Variants in GRID1 observed in about 807,000 individuals in gnomAD.
GRID1 encodes the protein glutamate receptor ionotropic, delta-1.
Under a neutral mutation model 98.0 loss-of-function variants are expected in GRID1, and 28 were observed. The observed-to-expected ratio is 0.29, with a 90% CI of 0.21 to 0.39. GRID1 has a LOEUF of 0.39. Among genes scored for constraint, GRID1 ranks in the 10% least tolerant of loss-of-function variants. The probability of loss-of-function intolerance (pLI) is 1.00; values close to 1 mark genes in which losing one functional copy is unlikely to be tolerated. For missense variants in GRID1, 1,111 were observed against 1,340.5 expected, an observed-to-expected ratio of 0.83 and a Z score of 2.67; for synonymous variants, 553 against 538.5, an observed-to-expected ratio of 1.03 and a Z score of -0.37.
intron 8 of GRID1, among the ~76,000 whole-genome samples, chr10:85,731,726 C>CAGG (rs1206943976): frequency 6.8e-6 from 1 of 147,922 alleles, no homozygotes; most frequent in Non-Finnish European, 1.5e-5. Context: ...CAATTGAGAC[C>CAGG]AGGAGGTCAA....
At chr10:85,922,698 G>A (rs896421771) in intron 4 of GRID1, among the ~76,000 whole-genome samples, 6 of 152,194 alleles carry the variant, frequency 3.9e-5, no homozygotes, top group African/African-American at 1.2e-4. Flanking sequence ...ATGCAGGAGC[G>A]CAACGCCCCT....
chr10:86,250,686 G>C (rs1404128582), intron 2 of GRID1, among the ~76,000 whole-genome samples: 1 of 151,870 alleles, frequency 6.6e-6, no homozygotes, highest in Non-Finnish European at 1.5e-5. Flanking sequence ...CCGGGAGGTG[G>C]GGGACAGCCC....
At chr10:86,278,394 C>A (rs1345310751) in intron 2 of GRID1, among the ~76,000 whole-genome samples, 1 of 150,874 alleles carries the variant, frequency 6.6e-6, no homozygotes, top group Non-Finnish European at 1.5e-5. Flanking sequence ...CAAATTAAAC[C>A]CAAAGTAAAT....
At chr10:86,204,121 G>A (rs1269909913) in intron 3 of GRID1, among the ~76,000 whole-genome samples, 1 of 152,160 alleles carries the variant, frequency 6.6e-6, no homozygotes, top group Non-Finnish European at 1.5e-5. Context: ...AGAGGGGTGG[G>A]GGAGTGTGAC....
intron 4 of GRID1, among the ~76,000 whole-genome samples, chr10:86,078,541 C>T (rs1843917966): frequency 6.6e-6 from 1 of 152,220 alleles, no homozygotes; most frequent in South Asian, 2.1e-4. Flanking sequence ...GGACTCATAC[C>T]TTCTTTCTCA....
At chr10:86,144,110 G>A (rs755106845) in intron 3 of GRID1, among the ~76,000 whole-genome samples, 8 of 152,108 alleles carry the variant, frequency 5.3e-5, no homozygotes, top group South Asian at 4.2e-4. Context: ...GTTCTTTATC[G>A]CAGAACTTAA....
chr10:85,641,700 C>T (rs1315976184), intron 13 of GRID1, among the ~76,000 whole-genome samples: 1 of 152,204 alleles, frequency 6.6e-6, no homozygotes, highest in East Asian at 1.9e-4. Context: ...AGTATGAATG[C>T]ATGTAAATGA....
rs190664303 is a variant in GRID1, at chr10:85,659,756, G to A, written c.1998-12359C>T. On this transcript the variant is annotated intron_variant, in intron 12 of 15. Transcript: ENST00000327946. ...TCTATCATTGATGAGTCTTGTCTGAGTTCAGAGAATGGGAGGATTCCTACT... is the reference window on the plus strand; with the variant it reads ...TCTATCATTGATGAGTCTTGTCTGAATTCAGAGAATGGGAGGATTCCTACT... Among the ~76,000 whole-genome samples the A allele has an allele frequency of 8.1e-4, 124 of 152,348 alleles. 1 individual carries two copies. The East Asian group carries it at 0.022, about 27-fold the overall frequency.
At chr10:85,625,490 T>A (rs1278118191) in intron 13 of GRID1, among the ~76,000 whole-genome samples, 1 of 152,176 alleles carries the variant, frequency 6.6e-6, no homozygotes, top group Non-Finnish European at 1.5e-5. Flanking sequence ...AAAAAAAGAA[T>A]AGATGCAGGA....
chr10:85,605,195 T>G (rs1209369300), intron 15 of GRID1, among the ~76,000 whole-genome samples: 1 of 152,232 alleles, frequency 6.6e-6, no homozygotes, highest in African/African-American at 2.4e-5. Flanking sequence ...CCTGTTAAAC[T>G]GTGGATACAG....
chr10:85,920,071 C>T (rs928056857), intron 4 of GRID1, among the ~76,000 whole-genome samples: 2 of 152,176 alleles, frequency 1.3e-5, no homozygotes, highest in African/African-American at 4.8e-5. Context: ...CTACTGGGGA[C>T]TTCTCCAGAG....
chr10:85,916,631 G>A lies in GRID1; in HGVS notation c.727-392C>T, dbSNP rs1405703843. ...GGCTACAGAATCAGGAAACTGGAACGAGGGATTTATGGGGGCTTGTCTAGT... is the reference window on the plus strand; with the variant it reads ...GGCTACAGAATCAGGAAACTGGAACAAGGGATTTATGGGGGCTTGTCTAGT... On this transcript the variant is annotated intron_variant, in intron 4 of 15. Transcript: ENST00000327946. This position sits in a 1 kb window ranked among gnomAD's most constrained non-coding sequence, Gnocchi z 4.0. 2.0e-5 allele frequency among the ~76,000 whole-genome samples: 3 copies of A among 152,184 alleles called. No individual in the cohort carries two copies. The highest frequency in any genetic ancestry group is 7.2e-5 in the African/African-American group (3 of 41,442).
chr10:85,985,846 T>C (rs1332077579), intron 4 of GRID1, among the ~76,000 whole-genome samples: 2 of 152,186 alleles, frequency 1.3e-5, no homozygotes, highest in African/African-American at 4.8e-5. Flanking sequence ...AACTCAGCTG[T>C]TGGCTGTGTT....
At chr10:85,931,282 C>A (rs560305502) in intron 4 of GRID1, among the ~76,000 whole-genome samples, 76 of 152,060 alleles carry the variant, frequency 5.0e-4, no homozygotes, top group African/African-American at 1.6e-3. Context: ...TGTGGTTGTT[C>A]TTTTCATCTA....
intron 3 of GRID1, among the ~76,000 whole-genome samples, chr10:86,180,202 A>G (rs116039203): frequency 6.6e-6 from 1 of 152,224 alleles, no homozygotes; most frequent in African/African-American, 2.4e-5. Context: ...CACCAGAAGG[A>G]CACTAGAGAA....
Position 86,283,308 on chromosome 10 carries a change from G to T in GRID1, c.236-76660C>A, listed in dbSNP as rs576795300. On this transcript the variant is annotated intron_variant, in intron 2 of 15. Transcript: ENST00000327946. ...GCTATTTGCACAGGTTGGGGAGGGG[G>T]AAGGGAGGACTCAGACCTCCTCAAG... is the stretch of plus-strand genomic sequence containing the variant. Among the ~76,000 whole-genome samples the T allele has an allele frequency of 2.2e-4, 34 of 152,316 alleles. No homozygotes were observed. The South Asian group carries it at 6.8e-3, about 31-fold the overall frequency.
At chr10:85,857,244 C>T (rs184158029) in intron 6 of GRID1, among the ~76,000 whole-genome samples, 1 of 152,324 alleles carries the variant, frequency 6.6e-6, no homozygotes, top group Admixed American at 6.5e-5. Flanking sequence ...GTAGAGGAGA[C>T]ACATCCCTGT....
intron 4 of GRID1, among the ~76,000 whole-genome samples, chr10:85,956,978 T>C (rs1488228277): frequency 4.6e-5 from 7 of 152,118 alleles, no homozygotes; most frequent in African/African-American, 1.7e-4. Context: ...GAAACAATCA[T>C]GGTGGAAGGG....
intron 12 of GRID1, among the ~76,000 whole-genome samples, chr10:85,714,167 T>C (rs545573609): frequency 1.3e-4 from 19 of 149,052 alleles, no homozygotes; most frequent in Admixed American, 1.2e-3. Context: ...GAAAACTAAA[T>C]ACCACATGTT....
Sources: gnomAD v4.1 joint callset for allele counts (sites outside exome capture counted in the v4.1 genomes callset) on GRCh38, gnomAD v4.1.1 for gene constraint, Gnocchi (gnomAD v3.1) non-coding constraint, MANE v1.5 for transcripts, NCBI Gene and HGNC (gene_info 2026-07-23, HGNC 2026-07-21) for gene names.